Variants in BRCC3 observed in about 807,000 individuals in gnomAD.
BRCC3 encodes BRCA1/BRCA2-containing complex subunit 3, also known as lys-63-specific deubiquitinase BRCC36.
BRCC3 carries 15 observed loss-of-function variants against 28.0 expected under a neutral mutation model. The ratio of observed to expected loss-of-function variants is 0.54; its 90% CI spans 0.36 to 0.82. The LOEUF (loss-of-function observed/expected upper bound fraction) is 0.82, where lower values mean the gene tolerates loss of function less well. Among genes scored for constraint, BRCC3 ranks in the 40% least tolerant of loss-of-function variants. The pLI, the probability that BRCC3 is intolerant of heterozygous loss-of-function variation, is 0.01. For missense variants in BRCC3, 109 were observed against 225.9 expected (o/e 0.48, Z 3.32); for synonymous variants, 66 against 80.3 (o/e 0.82, Z 0.95).
At chrX:155,102,204 A>G (rs2074250659) in intron 7 of BRCC3, among the ~76,000 whole-genome samples, 1 of 112,008 alleles carries the variant, frequency 8.9e-6, no homozygotes, top group East Asian at 2.8e-4. Context: ...CTGAACATAC[A>G]GTAGTCTTCC....
chrX:155,116,791 G>A, intron 9 of BRCC3, 37 bp downstream of exon 9: 2 of 1,038,356 alleles, frequency 1.9e-6, no homozygotes, highest in Non-Finnish European at 2.6e-6. Flanking sequence ...CATTTTTTCT[G>A]ACTATTTCCC....
intron 9 of BRCC3, 49 bp from the exon 10 acceptor site, chrX:155,119,950 G>A: frequency 9.0e-7 from 1 of 1,116,060 alleles, no homozygotes; most frequent in Non-Finnish European, 1.2e-6. Context: ...ACATGCTAGT[G>A]GATGGTGCTT....
chrX:155,097,668 G>GTGTACAATGTAAATGTAGTGT (rs1557296412), intron 7 of BRCC3, among the ~76,000 whole-genome samples: 1 of 112,546 alleles, frequency 8.9e-6, no homozygotes, highest in Non-Finnish European at 1.9e-5. Context: ...ACTGTTGGTA[G>GTGTACAATGTAAATGTAGTGT]AAATGTAAAA....
At chrX:155,120,612 T>G (rs781941036) in intron 10 of BRCC3, among the ~76,000 whole-genome samples, 1 of 111,447 alleles carries the variant, frequency 9.0e-6, no homozygotes, top group Non-Finnish European at 1.9e-5. Context: ...ACCCCACCTC[T>G]ATGCCCTCAC....
At chrX:155,080,306 T>A in intron 5 of BRCC3, among the ~76,000 whole-genome samples, 1 of 111,690 alleles carries the variant, frequency 9.0e-6, no homozygotes, top group Non-Finnish European at 1.9e-5. Context: ...AAAAATACCT[T>A]ATAAGTATCT....
At chrX:155,114,761 A>G (rs1484069719) in intron 7 of BRCC3, among the ~76,000 whole-genome samples, 2 of 110,766 alleles carry the variant, frequency 1.8e-5, no homozygotes, top group Non-Finnish European at 3.8e-5. Context: ...ATGAAATAGA[A>G]GAATGGCATG....
intron 1 of BRCC3, 83 bp from the exon 2 acceptor site, chrX:155,072,244 C>T: frequency 1.2e-6 from 1 of 805,925 alleles, no homozygotes; most frequent in Non-Finnish European, 1.9e-6. Context: ...GAACACATGA[C>T]CTAATTGTCA....
intron 4 of BRCC3, 39 bp downstream of exon 4, chrX:155,077,328 G>A (rs1341803193): frequency 1.8e-6 from 2 of 1,128,430 alleles, no homozygotes; most frequent in Non-Finnish European, 2.4e-6. Flanking sequence ...ATGTGCTCTG[G>A]GGTTCCTGGG....
chrX:155,116,310 CTTTCTAGCAGTCTCCAATCAT>C (rs1381435415), intron 8 of BRCC3, 122 bp downstream of exon 8: 1 of 630,608 alleles, frequency 1.6e-6, no homozygotes, highest in African/African-American at 2.3e-5. Flanking sequence ...CTCTGGGAAG[CTTTCTAGCAGTCTCCAATCAT>C]AATGTTTCTC....
At chrX:155,109,910 A>G (rs989233510) in intron 7 of BRCC3, among the ~76,000 whole-genome samples, 1 of 111,695 alleles carries the variant, frequency 9.0e-6, no homozygotes, top group African/African-American at 3.2e-5. Context: ...ATATTAAGGA[A>G]GTTCCCTTGT....
chrX:155,091,566 C>G (rs1434510234), intron 7 of BRCC3, among the ~76,000 whole-genome samples: 2 of 111,461 alleles, frequency 1.8e-5, no homozygotes, highest in Non-Finnish European at 3.8e-5. Flanking sequence ...GCCACTGCAC[C>G]CGGCCACTAG....
chrX:155,097,080 T>G (rs2074214703), intron 7 of BRCC3, among the ~76,000 whole-genome samples: 1 of 112,092 alleles, frequency 8.9e-6, no homozygotes, highest in African/African-American at 3.2e-5. Flanking sequence ...AAACACTGCT[T>G]GACATTGGTC....
intron 3 of BRCC3, among the ~76,000 whole-genome samples, chrX:155,075,215 A>G (rs1250658096): frequency 1.6e-5 from 1 of 61,406 alleles, no homozygotes; most frequent in African/African-American, 2.0e-4. Flanking sequence ...GTGAAAATCT[A>G]TAGCTTGTTT....
intron 2 of BRCC3, among the ~76,000 whole-genome samples, chrX:155,072,809 C>T (rs2073997825): frequency 9.1e-6 from 1 of 110,382 alleles, no homozygotes; most frequent in Non-Finnish European, 1.9e-5. Context: ...CTGCCCACCT[C>T]GACCTCCCCA....
chrX:155,117,034 C>T (rs1194465989), intron 9 of BRCC3, among the ~76,000 whole-genome samples: 1 of 112,233 alleles, frequency 8.9e-6, no homozygotes, highest in East Asian at 2.8e-4. Flanking sequence ...ATTTAACAAC[C>T]AGATCTCAAG....
At position 155,075,285 on chromosome X, in the gene BRCC3, C is replaced by CCATTTCATTGT. The variant is rs1569560412; in HGVS notation, c.195+1854_195+1855insCATTTCATTGT. Among the ~76,000 whole-genome samples the CCATTTCATTGT allele has an allele frequency of 5.2e-3, 263 of 50,590 alleles. 1 individual carries two copies. The African/African-American group carries it at 0.12, about 23-fold the overall frequency. 43.9% of individuals were successfully genotyped at this position (50,590 alleles called of 115,157 possible). On this transcript the variant is annotated intron_variant, in intron 3 of 10. Coordinates refer to ENST00000330045, the MANE Select transcript of BRCC3 (RefSeq NM_001018055.3). ...TCAACATCTGATAATGCTAAGCCCA[C>CCATTTCATTGT]TCTTTCCCCTGGCCCTTCTTGTTCT... is the stretch of plus-strand genomic sequence containing the variant.
intron 7 of BRCC3, among the ~76,000 whole-genome samples, chrX:155,110,636 T>A (rs1244287850): frequency 9.0e-6 from 1 of 110,884 alleles, no homozygotes; most frequent in Non-Finnish European, 1.9e-5. Context: ...GCCATAAATG[T>A]CCCTTTAAGC....
At chrX:155,112,055 C>G (rs1178036396) in intron 7 of BRCC3, among the ~76,000 whole-genome samples, 1 of 111,804 alleles carries the variant, frequency 8.9e-6, no homozygotes, top group East Asian at 2.8e-4. Context: ...ATATTGTTCA[C>G]AATTTCAAAG....
intron 5 of BRCC3, among the ~76,000 whole-genome samples, chrX:155,083,585 T>C (rs1557294412): frequency 8.9e-6 from 1 of 112,366 alleles, no homozygotes; most frequent in African/African-American, 3.2e-5. Context: ...ATTATTTCTT[T>C]CAACAAATTT....
Sources: gnomAD v4.1 joint callset for allele counts (sites outside exome capture counted in the v4.1 genomes callset) on GRCh38, gnomAD v4.1.1 for gene constraint, MANE v1.5 for transcripts, NCBI Gene and HGNC (gene_info 2026-07-23, HGNC 2026-07-21) for gene names.